Variants in GIT2 observed in about 807,000 individuals in gnomAD.
The protein encoded by GIT2 is ARF GTPase-activating protein GIT2.
A neutral mutation model predicts 100.3 loss-of-function variants in GIT2; 32 were observed. The observed-to-expected ratio is 0.32, with a 90% CI of 0.24 to 0.43. GIT2 has a LOEUF of 0.43. Ranked by LOEUF, GIT2 falls within the 20% of genes least tolerant of loss-of-function variation. GIT2 has a pLI of 1.00. For missense variants in GIT2, 737 were observed against 975.1 expected, an observed-to-expected ratio of 0.76 and a Z score of 3.25; for synonymous variants, 353 against 364.1, an observed-to-expected ratio of 0.97 and a Z score of 0.35.
chr12:109,956,490 T>G (rs1250060109), intron 12 of GIT2, among the ~76,000 whole-genome samples: 1 of 152,206 alleles, frequency 6.6e-6, no homozygotes, highest in African/African-American at 2.4e-5. Flanking sequence ...AACATGTGCT[T>G]TTGGTGACTC....
rs1305819200 is a variant in GIT2, at chr12:109,934,606, C to T, written c.2004-521G>A. Among the ~76,000 whole-genome samples the T allele has an allele frequency of 6.6e-6, 1 of 152,168 alleles. No individual in the cohort carries two copies. The highest frequency in any genetic ancestry group is 1.5e-5 in the Non-Finnish European group (1 of 68,024). Reference sequence around the variant, plus strand: ...ATGTCGCCCAGCCTTGTGTTGAACTCCTGGATTCAAGTGAATCTCTTGCCT... The same window carrying T: ...ATGTCGCCCAGCCTTGTGTTGAACTTCTGGATTCAAGTGAATCTCTTGCCT... On this transcript the variant is annotated intron_variant, in intron 18 of 19. Coordinates refer to ENST00000355312, the MANE Select transcript of GIT2 (RefSeq NM_057169.5). This position sits in a 1 kb window ranked among gnomAD's most constrained non-coding sequence, Gnocchi z 4.5.
At chr12:109,990,899 G>A (rs1470313350) in intron 2 of GIT2, among the ~76,000 whole-genome samples, 2 of 152,220 alleles carry the variant, frequency 1.3e-5, no homozygotes, top group Non-Finnish European at 2.9e-5. Context: ...AGCCCATGCT[G>A]CTATCAAAGC....
At chr12:109,985,695 C>CA (rs1180665577) in intron 4 of GIT2, among the ~76,000 whole-genome samples, 1 of 151,606 alleles carries the variant, frequency 6.6e-6, no homozygotes, top group Non-Finnish European at 1.5e-5. Context: ...ACTAAAAATA[C>CA]AAAAAAAATT....
chr12:109,943,484 G>A (rs1051779903), intron 16 of GIT2, among the ~76,000 whole-genome samples: 196 of 151,894 alleles, frequency 1.3e-3, no homozygotes, highest in African/African-American at 4.4e-3. Flanking sequence ...ACAGGCATGC[G>A]CCACCACCCG....
In GIT2 at chr12:109,932,978, T is replaced by G; in HGVS notation, c.2280A>C (p.Ter760CysextTer11). ...CAGAGGAGGCGGTGCCCTGCCCTTGTCAGTTGTTGTTCTCTTTGGTGGTGA... is the reference window on the plus strand; with the variant it reads ...CAGAGGAGGCGGTGCCCTGCCCTTGGCAGTTGTTGTTCTCTTTGGTGGTGA... ...VTITTKENNN[*>C] The change falls in exon 20 of 20, where the codon TGA becomes TGC. Residue 760 changes from the stop codon to cysteine, a stop_lost. Transcript: ENST00000355312. 3.2e-6 allele frequency: 5 copies of G among 1,587,170 alleles called. No homozygotes were observed. The highest frequency in any genetic ancestry group is 4.3e-6 in the Non-Finnish European group (5 of 1,156,056).
At chr12:109,939,355 C>A in intron 16 of GIT2, 108 bp from the exon 17 acceptor site, 1 of 708,180 alleles carries the variant, frequency 1.4e-6, no homozygotes. Context: ...CATCCCAAAT[C>A]TCATTTGGGA....
intron 12 of GIT2, among the ~76,000 whole-genome samples, chr12:109,957,920 T>TA (rs1378969627): frequency 1.3e-5 from 2 of 152,154 alleles, no homozygotes; most frequent in Admixed American, 1.3e-4. Context: ...GAGCAGGTAT[T>TA]TTTTAAGACT....
At chr12:109,971,954 A>G (rs1883983777) in intron 7 of GIT2, among the ~76,000 whole-genome samples, 1 of 151,680 alleles carries the variant, frequency 6.6e-6, no homozygotes, top group South Asian at 2.1e-4. Flanking sequence ...AGATCACACC[A>G]CTGCACTCCA....
At chr12:109,972,009 A>AT (rs780436553) in intron 7 of GIT2, among the ~76,000 whole-genome samples, 4,078 of 141,564 alleles carry the variant, frequency 0.029, 67 homozygotes, top group Middle Eastern at 0.049. Flanking sequence ...AGGGAAAAAA[A>AT]AATATATATA....
At chr12:109,991,010 T>C (rs940622207) in intron 2 of GIT2, among the ~76,000 whole-genome samples, 3 of 152,184 alleles carry the variant, frequency 2.0e-5, no homozygotes, top group East Asian at 1.9e-4. Flanking sequence ...TTATCATGCA[T>C]AGAAAAGATG....
Position 109,983,512 on chromosome 12 carries a change from C to A in GIT2, c.493-9G>T. The A allele has an allele frequency of 1.2e-6, 2 of 1,612,898 alleles. No homozygotes were observed. Among genetic ancestry groups the A allele is most frequent in the Non-Finnish European group, 1.7e-6 (2 of 1,179,164 alleles). ...GGGGTGTTTCCTTTTTCCTAAGAAT[C>A]ATTAATAAAAAGTAGGCAAAAGAGC... On this transcript the variant is annotated splice_polypyrimidine_tract_variant and intron_variant, in intron 5 of 19. Transcript: ENST00000355312.
At position 109,933,319 on chromosome 12, in the gene GIT2, C is replaced by T; in HGVS notation, c.2068-129G>A. On this transcript the variant is annotated intron_variant, in intron 19 of 19. Transcript: ENST00000355312. This position sits in a 1 kb window ranked among gnomAD's most constrained non-coding sequence, Gnocchi z 4.5. Reference sequence around the variant, plus strand: ...AAGGCGGTTTGGTCCTGCCCTTTCTCAAAGGGGTGCTTCACACACTCCAAG... The same window carrying T: ...AAGGCGGTTTGGTCCTGCCCTTTCTTAAAGGGGTGCTTCACACACTCCAAG... 1 of 617,820 alleles carries T rather than the reference C, an allele frequency of 1.6e-6. No individual in the cohort carries two copies. Among genetic ancestry groups the T allele is most frequent in the Non-Finnish European group, 2.9e-6 (1 of 344,736 alleles). 38.3% of individuals were successfully genotyped at this position (617,820 alleles called of 1,614,324 possible).
intron 18 of GIT2, among the ~76,000 whole-genome samples, chr12:109,937,487 G>A (rs1873377669): frequency 6.6e-6 from 1 of 152,130 alleles, no homozygotes; most frequent in Admixed American, 6.6e-5. Flanking sequence ...TTTTATGAGT[G>A]TCTACATCCT....
intron 12 of GIT2, among the ~76,000 whole-genome samples, chr12:109,959,588 C>T (rs1593031412): frequency 2.0e-5 from 3 of 152,168 alleles, no homozygotes; most frequent in Admixed American, 2.0e-4. Context: ...ATAAAACTTA[C>T]AGTGGGTGGG....
chr12:109,949,151 C>A, intron 14 of GIT2: 1 of 372,048 alleles, frequency 2.7e-6, no homozygotes, highest in East Asian at 4.9e-5. Flanking sequence ...AGAACAGCTG[C>A]AAAGCAGCTG....
In GIT2 at chr12:109,933,671, G is replaced by A; in HGVS notation, c.2067+351C>T. On this transcript the variant is annotated intron_variant, in intron 19 of 19. Coordinates refer to ENST00000355312, the MANE Select transcript of GIT2 (RefSeq NM_057169.5). The surrounding 1 kb of genome is among the most constrained non-coding windows in gnomAD (Gnocchi z 4.5). ...GGCTGGAGCGCAATGGCACGATCTTGACTCACTGCAACCTCCGCCTCCTGG... is the reference window on the plus strand; with the variant it reads ...GGCTGGAGCGCAATGGCACGATCTTAACTCACTGCAACCTCCGCCTCCTGG... 1 of 251,666 alleles carries A rather than the reference G, an allele frequency of 4.0e-6. No homozygotes were observed. The highest frequency in any genetic ancestry group is 7.8e-6 in the Non-Finnish European group (1 of 128,786). 15.6% of individuals were successfully genotyped at this position (251,666 alleles called of 1,614,324 possible).
chr12:109,938,678 G>T, intron 17 of GIT2, 110 bp from the exon 18 acceptor site: 1 of 735,308 alleles, frequency 1.4e-6, no homozygotes, highest in Non-Finnish European at 2.2e-6. Context: ...GGCTGGTCTC[G>T]TCATTTCCTT....
At chr12:109,956,275 G>A (rs941062625) in intron 12 of GIT2, among the ~76,000 whole-genome samples, 2 of 152,156 alleles carry the variant, frequency 1.3e-5, no homozygotes, top group Non-Finnish European at 2.9e-5. Flanking sequence ...GGGTGCAGAC[G>A]TGATCATGGC....
At chr12:109,990,723 G>A (rs1326099210) in intron 2 of GIT2, among the ~76,000 whole-genome samples, 1 of 152,204 alleles carries the variant, frequency 6.6e-6, no homozygotes, top group African/African-American at 2.4e-5. Flanking sequence ...TGTACCCCAA[G>A]ATAGAAGTAA....
Sources: allele counts gnomAD v4.1 joint callset (sites outside exome capture counted in the v4.1 genomes callset), GRCh38; gene constraint gnomAD v4.1.1; non-coding constraint Gnocchi (gnomAD v3.1); transcripts MANE v1.5; gene names NCBI Gene and HGNC (gene_info 2026-07-23, HGNC 2026-07-21).